Variants in SLC24A2 observed in about 807,000 individuals in gnomAD.
SLC24A2 encodes sodium/potassium/calcium exchanger 2.
A neutral mutation model predicts 62.0 loss-of-function variants in SLC24A2; 36 were observed. The ratio of observed to expected loss-of-function variants is 0.58; its 90% CI spans 0.44 to 0.77. The LOEUF is 0.77. Among genes scored for constraint, SLC24A2 ranks in the 30% least tolerant of loss-of-function variants. The pLI is 0.00. For synonymous variants in SLC24A2, 358 were observed against 294.0 expected, an observed-to-expected ratio of 1.22 and a Z score of -2.23; for missense variants, 846 against 817.9, an observed-to-expected ratio of 1.03 and a Z score of -0.42.
chr9:19,555,734 C>T (rs1264614755), intron 7 of SLC24A2, among the ~76,000 whole-genome samples: 1 of 152,166 alleles, frequency 6.6e-6, no homozygotes, highest in Non-Finnish European at 1.5e-5. Context: ...CACTTGAGGT[C>T]AGGAGTTTGA....
At chr9:20,229,609 T>C in the SLC24A2 span, among the ~76,000 whole-genome samples, 1 of 152,114 alleles carries the variant, frequency 6.6e-6, no homozygotes, top group Non-Finnish European at 1.5e-5. Context: ...AACTTTTCCT[T>C]TGAGCTTCCC....
the SLC24A2 span, among the ~76,000 whole-genome samples, chr9:20,196,245 G>A: frequency 6.6e-6 from 1 of 152,152 alleles, no homozygotes; most frequent in African/African-American, 2.4e-5. Flanking sequence ...ACCTTAGGGA[G>A]ATACCTGCCT....
chr9:19,810,116 G>T, the SLC24A2 span, among the ~76,000 whole-genome samples: 6 of 152,174 alleles, frequency 3.9e-5, no homozygotes, highest in Non-Finnish European at 7.4e-5. Context: ...ATTTAACTCA[G>T]AGAGAGTAAG....
the SLC24A2 span, among the ~76,000 whole-genome samples, chr9:19,884,316 G>T: frequency 6.6e-6 from 1 of 152,228 alleles, no homozygotes; most frequent in East Asian, 1.9e-4. Context: ...CCTACAAAAT[G>T]CCTGCTAATC....
At position 19,513,181 on chromosome 9, in the gene SLC24A2, T is replaced by G. The variant is rs1275727145; in HGVS notation, c.*2972A>C. ...ATATATATATATATATATATGTATA[T>G]ATATATATATGTATATATTTATATA... is the stretch of plus-strand genomic sequence containing the variant. On this transcript the variant is annotated 3_prime_UTR_variant, in exon 11 of 11. Transcript: ENST00000341998. 2 of 136,298 alleles carry G rather than the reference T, an allele frequency of 1.5e-5. No homozygotes were observed. Among genetic ancestry groups the G allele is most frequent in the Non-Finnish European group, 3.1e-5 (2 of 63,842 alleles). 8.4% of individuals were successfully genotyped at this position (136,298 alleles called of 1,614,324 possible).
At chr9:20,173,784 C>G in the SLC24A2 span, among the ~76,000 whole-genome samples, 1 of 151,942 alleles carries the variant, frequency 6.6e-6, no homozygotes, top group African/African-American at 2.4e-5. Context: ...CAAAAGCAAT[C>G]TATAAGTTCA....
At chr9:20,162,848 T>G in the SLC24A2 span, among the ~76,000 whole-genome samples, 2 of 152,036 alleles carry the variant, frequency 1.3e-5, no homozygotes, top group African/African-American at 4.8e-5. Context: ...ATAAATGTAA[T>G]CCAGCACATA....
At chr9:19,848,207 A>G in the SLC24A2 span, among the ~76,000 whole-genome samples, 1 of 152,248 alleles carries the variant, frequency 6.6e-6, no homozygotes. Flanking sequence ...CCAACCAAAA[A>G]TAAGCATTGA....
At chr9:19,861,287 G>T in the SLC24A2 span, among the ~76,000 whole-genome samples, 8 of 152,190 alleles carry the variant, frequency 5.3e-5, no homozygotes, top group Non-Finnish European at 1.2e-4. Flanking sequence ...GAAAACAAAA[G>T]TCTCTGTCTG....
At chr9:19,741,392 G>A (rs1393568198) in intron 2 of SLC24A2, among the ~76,000 whole-genome samples, 1 of 152,052 alleles carries the variant, frequency 6.6e-6, no homozygotes, top group African/African-American at 2.4e-5. Context: ...TTTGGGATTC[G>A]TCCCAGAGGT....
intron 2 of SLC24A2, among the ~76,000 whole-genome samples, chr9:19,716,004 A>G (rs1027076789): frequency 6.6e-6 from 1 of 152,214 alleles, no homozygotes; most frequent in African/African-American, 2.4e-5. Context: ...CAGCTTTAAC[A>G]ATATATGGGC....
chr9:20,046,323 C>T, the SLC24A2 span, among the ~76,000 whole-genome samples: 11,720 of 152,232 alleles, frequency 0.077, 1,054 homozygotes, highest in East Asian at 0.46. Flanking sequence ...GACAGGCAGA[C>T]AGGCAGACCC....
At chr9:19,606,524 C>T (rs1399168708) in intron 4 of SLC24A2, among the ~76,000 whole-genome samples, 2 of 152,194 alleles carry the variant, frequency 1.3e-5, no homozygotes, top group East Asian at 1.9e-4. Context: ...CAAGCACTGG[C>T]TAAAGTTCCC....
chr9:20,188,155 G>A, the SLC24A2 span, among the ~76,000 whole-genome samples: 1 of 152,312 alleles, frequency 6.6e-6, no homozygotes, highest in Non-Finnish European at 1.5e-5. Flanking sequence ...TAGAATTTCT[G>A]CTACAAACAG....
chr9:20,102,803 A>G, the SLC24A2 span, among the ~76,000 whole-genome samples: 2 of 152,278 alleles, frequency 1.3e-5, no homozygotes, highest in South Asian at 4.1e-4. Context: ...TTTCCATCTC[A>G]GGTACTGAGT....
chr9:20,019,181 GA>G, the SLC24A2 span, among the ~76,000 whole-genome samples: 2 of 141,802 alleles, frequency 1.4e-5, no homozygotes, highest in Non-Finnish European at 3.1e-5. Flanking sequence ...AAGAAAGAAA[GA>G]AGGAAAAGAA....
At chr9:19,615,717 G>A (rs1432400152) in intron 4 of SLC24A2, among the ~76,000 whole-genome samples, 2 of 152,116 alleles carry the variant, frequency 1.3e-5, no homozygotes, top group Non-Finnish European at 2.9e-5. Context: ...GAAAGCAGGT[G>A]CCTGGATTCA....
intron 10 of SLC24A2, among the ~76,000 whole-genome samples, chr9:19,516,910 G>A (rs1052910624): frequency 6.6e-6 from 1 of 152,120 alleles, no homozygotes; most frequent in Admixed American, 6.5e-5. Context: ...GTGGTTGGGG[G>A]CCACGATACA....
At chr9:19,618,395 C>A (rs1817823135) in intron 4 of SLC24A2, among the ~76,000 whole-genome samples, 1 of 152,122 alleles carries the variant, frequency 6.6e-6, no homozygotes, top group Non-Finnish European at 1.5e-5. Flanking sequence ...GATCCCAGGA[C>A]CTGTGGAGGA....
Sources: allele counts gnomAD v4.1 joint callset (sites outside exome capture counted in the v4.1 genomes callset), GRCh38; gene constraint gnomAD v4.1.1; transcripts MANE v1.5; gene names NCBI Gene and HGNC (gene_info 2026-07-23, HGNC 2026-07-21).